Variants in CALU observed in about 807,000 individuals in gnomAD.
CALU encodes the protein IEF SSP 9302.
CALU carries 13 observed loss-of-function variants against 37.5 expected under a neutral mutation model. The observed-to-expected ratio is 0.35, with a 90% confidence interval of 0.23 to 0.55. The LOEUF (loss-of-function observed/expected upper bound fraction) is 0.55, where lower values mean the gene tolerates loss of function less well. Ranked by LOEUF, CALU falls within the 20% of genes least tolerant of loss-of-function variation. The pLI is 0.89. For missense variants in CALU, 282 were observed against 391.7 expected, an observed-to-expected ratio of 0.72 and a Z score of 2.36; for synonymous variants, 114 against 133.8, an observed-to-expected ratio of 0.85 and a Z score of 1.02.
chr7:128,767,661 T>A lies in CALU; in HGVS notation c.843+6T>A. On this transcript the variant is annotated splice_donor_region_variant and intron_variant, in intron 6 of 6. Transcript: ENST00000249364. ...ATGAATCAGACCAAAACAAGGTAAG[T>A]CTGGCGAGGCCCACACGCTCTATCC... 6.2e-7 allele frequency: 1 copy of A among 1,612,316 alleles called. No individual in the cohort carries two copies. The highest frequency in any genetic ancestry group is 8.5e-7 in the Non-Finnish European group (1 of 1,178,482).
At chr7:128,764,283 G>A (rs1251662325) in intron 5 of CALU, among the ~76,000 whole-genome samples, 1 of 147,148 alleles carries the variant, frequency 6.8e-6, no homozygotes, top group Non-Finnish European at 1.5e-5. Flanking sequence ...CAAAAAAAAA[G>A]AAAAAATTAG....
chr7:128,758,332 G>T (rs1476377648), intron 3 of CALU, among the ~76,000 whole-genome samples: 1 of 152,140 alleles, frequency 6.6e-6, no homozygotes, highest in Admixed American at 6.6e-5. Flanking sequence ...TTTTTAATGA[G>T]ATCCTAATGT....
rs1361549749 is a variant in CALU, at chr7:128,754,342, A to C, written c.302A>C (p.Gln101Pro). The C allele has an allele frequency of 6.2e-7, 1 of 1,614,038 alleles. No individual in the cohort carries two copies. Residue 101 changes from glutamine to proline, a missense_variant, in exon 3 of 7, where the codon CAA (glutamine) becomes CCA (proline). Transcript: ENST00000249364. The part of the protein sequence containing the change: ...DELKDWIKFA[Q>P]KRWIYEDVER... ...CTCAAAGACTGGATTAAATTTGCAC[A>C]AAAGCGCTGGATTTACGAGGATGTA... is the stretch of plus-strand genomic sequence containing the variant.
At chr7:128,763,698 C>G (rs1348013691) in intron 5 of CALU, among the ~76,000 whole-genome samples, 1 of 152,156 alleles carries the variant, frequency 6.6e-6, no homozygotes, top group Non-Finnish European at 1.5e-5. Flanking sequence ...CAATCTGTAT[C>G]CTGTGAGTAA....
chr7:128,755,902 T>C (rs1379321079), intron 3 of CALU, among the ~76,000 whole-genome samples: 1 of 152,154 alleles, frequency 6.6e-6, no homozygotes, highest in African/African-American at 2.4e-5. Context: ...TAACAGTGAG[T>C]GTATAATGGA....
At position 128,746,808 on chromosome 7, in the gene CALU, G is replaced by A. The variant is rs1029115364; in HGVS notation, c.-11-1765G>A. Among the ~76,000 whole-genome samples, 9 of 136,838 alleles carry A rather than the reference G, an allele frequency of 6.6e-5. No homozygotes were observed. The Admixed American group carries it at 7.0e-4, about 11-fold the overall frequency. 89.8% of individuals were successfully genotyped at this position (136,838 alleles called of 152,430 possible). A position where few individuals can be genotyped will look rare whatever the true frequency, so the allele number is the denominator to read the frequency against. On this transcript the variant is annotated intron_variant, in intron 1 of 6. Coordinates refer to ENST00000249364, the MANE Select transcript of CALU (RefSeq NM_001219.5). ...TTTTGAGACGGAGTCTCACTCTGTA[G>A]CCCAGGCTGGAGTGTAGAGGTGCTA...
chr7:128,753,839 G>A (rs963818791), intron 2 of CALU, among the ~76,000 whole-genome samples: 1 of 152,148 alleles, frequency 6.6e-6, no homozygotes, highest in African/African-American at 2.4e-5. Flanking sequence ...TATTTACCAA[G>A]AATTGGAGTT....
At chr7:128,753,386 C>T (rs1800750133) in intron 2 of CALU, among the ~76,000 whole-genome samples, 1 of 152,190 alleles carries the variant, frequency 6.6e-6, no homozygotes, top group Non-Finnish European at 1.5e-5. Flanking sequence ...AGTGATTGCA[C>T]CTTTAAACAG....
intron 5 of CALU, among the ~76,000 whole-genome samples, chr7:128,766,085 T>C (rs1313515066): frequency 2.0e-5 from 3 of 152,142 alleles, no homozygotes; most frequent in Non-Finnish European, 2.9e-5. Flanking sequence ...GCCTCCCCAG[T>C]AGCTGGAGAT....
At position 128,762,095 on chromosome 7, in the gene CALU, G is replaced by GCATTTAC. The variant is rs199701892; in HGVS notation, c.643+2244_643+2250dup. ...CAGGACAGTGGATAAGTGCCTAGGT[G>GCATTTAC]CATTTACTGAGCCCACGTTGATGTT... On this transcript the variant is annotated intron_variant, in intron 5 of 6. Coordinates refer to ENST00000249364, the MANE Select transcript of CALU (RefSeq NM_001219.5). 2.9e-3 allele frequency among the ~76,000 whole-genome samples: 445 copies of GCATTTAC among 151,810 alleles called. 2 individuals are homozygous for GCATTTAC. Among genetic ancestry groups the GCATTTAC allele is most frequent in the African/African-American group, 0.01 (421 of 41,370 alleles).
At chr7:128,755,612 T>C (rs1353230677) in intron 3 of CALU, among the ~76,000 whole-genome samples, 1 of 152,216 alleles carries the variant, frequency 6.6e-6, no homozygotes, top group East Asian at 1.9e-4. Context: ...TAAATGTTAA[T>C]TTGATTGCTT....
chr7:128,766,425 CTTTTTTTT>C (rs11288081), intron 5 of CALU, among the ~76,000 whole-genome samples: 2 of 95,004 alleles, frequency 2.1e-5, no homozygotes, highest in Admixed American at 1.3e-4. Context: ...ATTTCTTTTT[CTTTTTTTT>C]TTTTTTTTTT....
At chr7:128,760,329 G>A (rs149789920) in intron 5 of CALU, among the ~76,000 whole-genome samples, 25 of 152,274 alleles carry the variant, frequency 1.6e-4, no homozygotes, top group African/African-American at 5.8e-4. Context: ...TAAAGTATCC[G>A]TAGCCACATT....
At chr7:128,746,536 C>T (rs1319544450) in intron 1 of CALU, among the ~76,000 whole-genome samples, 1 of 152,064 alleles carries the variant, frequency 6.6e-6, no homozygotes, top group African/African-American at 2.4e-5. Flanking sequence ...TAACTGCAAC[C>T]TCCACCTGGT....
intron 3 of CALU, among the ~76,000 whole-genome samples, chr7:128,757,160 C>A (rs77253284): frequency 1.3e-5 from 2 of 152,028 alleles, no homozygotes. Flanking sequence ...CTATTTGAGT[C>A]CAGTCACCAT....
chr7:128,748,695 G>C lies in CALU; in HGVS notation c.112G>C (p.Val38Leu). The change falls in exon 2 of 7, where the codon GTT (valine) becomes CTT (leucine). Residue 38 changes from valine to leucine, a missense_variant. By Grantham distance (32) the Val-to-Leu change is conservative. Transcript: ENST00000249364. ...TCATGAGCCTCAGCTCAGTGACAAGGTTCACAATGATGCTCAGAGTTTTGA... is the reference window on the plus strand; with the variant it reads ...TCATGAGCCTCAGCTCAGTGACAAGCTTCACAATGATGCTCAGAGTTTTGA... ...VHHEPQLSDK[V>L]HNDAQSFDYD... 1 of 1,614,180 alleles carries C rather than the reference G, an allele frequency of 6.2e-7. No individual in the cohort carries two copies. Among genetic ancestry groups the C allele is most frequent in the South Asian group, 1.1e-5 (1 of 91,080 alleles).
chr7:128,752,076 C>T lies in CALU; in HGVS notation c.222-2186C>T, dbSNP rs180868216. Among the ~76,000 whole-genome samples, 140 of 152,248 alleles carry T rather than the reference C, an allele frequency of 9.2e-4. 1 individual carries two copies. The highest frequency in any genetic ancestry group is 1.8e-3 in the Non-Finnish European group (121 of 68,030). On this transcript the variant is annotated intron_variant, in intron 2 of 6. Transcript: ENST00000249364. ...TGTGCCCACTTCCAGTGTACTTACA[C>T]AACTGCCTGCAGGCTTGGTGCTCAG...
At chr7:128,765,209 C>T (rs1478553662) in intron 5 of CALU, among the ~76,000 whole-genome samples, 2 of 152,096 alleles carry the variant, frequency 1.3e-5, no homozygotes, top group African/African-American at 2.4e-5. Flanking sequence ...GCCACCCGAC[C>T]TCCTGTTTCT....
intron 1 of CALU, 71 bp from the exon 2 acceptor site, chr7:128,748,502 G>C (rs937997283): frequency 5.4e-6 from 7 of 1,290,848 alleles, no homozygotes; most frequent in Non-Finnish European, 7.6e-6. Flanking sequence ...ACTCGGATGT[G>C]AGCTTTTAAT....
Sources: gnomAD v4.1 joint callset for allele counts (sites outside exome capture counted in the v4.1 genomes callset) on GRCh38, gnomAD v4.1.1 for gene constraint, MANE v1.5 for transcripts, NCBI Gene and HGNC (gene_info 2026-07-23, HGNC 2026-07-21) for gene names.